CAST: variants seen among roughly 807,000 people sequenced by gnomAD.
The protein encoded by CAST is calpastatin.
CAST carries 76 observed loss-of-function variants against 119.6 expected under a neutral mutation model. That is an observed-to-expected ratio of 0.64 (90% CI 0.53 to 0.77). CAST has a LOEUF of 0.77. Ranked by LOEUF, CAST falls within the 30% of genes least tolerant of loss-of-function variation. CAST has a pLI of 0.00. For synonymous variants in CAST, 319 were observed against 331.6 expected (o/e 0.96, Z 0.41); for missense variants, 953 against 946.5 (o/e 1.01, Z -0.09).
chr5:96,171,718 G>A, the CAST span, among the ~76,000 whole-genome samples: 1 of 152,246 alleles, frequency 6.6e-6, no homozygotes, highest in Non-Finnish European at 1.5e-5. Context: ...AGATTGAAGT[G>A]TGGCGCCAAG....
chr5:96,700,855 C>T (rs1753786927), intron 3 of CAST, among the ~76,000 whole-genome samples: 3 of 152,110 alleles, frequency 2.0e-5, no homozygotes, highest in Admixed American at 2.0e-4. Context: ...AGCAGTGGAA[C>T]TACATTGTTT....
chr5:96,434,011 G>T, the CAST span: 1 of 152,276 alleles, frequency 6.6e-6, no homozygotes, highest in South Asian at 2.1e-4. Context: ...AGGGGATCTA[G>T]GATCCCAAAA....
At chr5:96,041,013 G>A in the CAST span, among the ~76,000 whole-genome samples, 1 of 152,038 alleles carries the variant, frequency 6.6e-6, no homozygotes, top group Non-Finnish European at 1.5e-5. Flanking sequence ...GACATTTTTG[G>A]TTGGTAGGCT....
chr5:96,148,932 G>T, the CAST span, among the ~76,000 whole-genome samples: 1 of 152,208 alleles, frequency 6.6e-6, no homozygotes, highest in East Asian at 1.9e-4. Context: ...AAAGTGTGGG[G>T]CATCTGAAGA....
the CAST span, among the ~76,000 whole-genome samples, chr5:96,402,825 CAGAG>C: frequency 5.3e-5 from 8 of 152,268 alleles, no homozygotes; most frequent in East Asian, 1.9e-4. Context: ...GAGTGACTGA[CAGAG>C]AGGCCTTGGA....
the CAST span, among the ~76,000 whole-genome samples, chr5:96,027,185 A>C: frequency 6.6e-6 from 1 of 152,180 alleles, no homozygotes; most frequent in African/African-American, 2.4e-5. Context: ...CTTGTCAAAA[A>C]ACAAAACAAA....
chr5:96,283,829 C>A, the CAST span, among the ~76,000 whole-genome samples: 1 of 152,204 alleles, frequency 6.6e-6, no homozygotes, highest in Admixed American at 6.5e-5. Flanking sequence ...TAGTTCCTTT[C>A]TCAAATGACT....
At chr5:96,650,488 A>G (rs980082568) in intron 1 of CAST, among the ~76,000 whole-genome samples, 3 of 152,180 alleles carry the variant, frequency 2.0e-5, no homozygotes, top group Non-Finnish European at 2.9e-5. Context: ...CCTGATGACT[A>G]TCCTACTTGT....
chr5:96,693,610 G>A (rs1424946520), intron 2 of CAST, among the ~76,000 whole-genome samples: 1 of 152,218 alleles, frequency 6.6e-6, no homozygotes, highest in East Asian at 1.9e-4. Context: ...AAAATGAGAG[G>A]TTGAGATAGG....
the CAST span, among the ~76,000 whole-genome samples, chr5:96,411,637 G>A: frequency 6.6e-6 from 1 of 152,312 alleles, no homozygotes; most frequent in East Asian, 1.9e-4. Context: ...TATTTGAAAA[G>A]CATTTCCGCG....
intron 24 of CAST, among the ~76,000 whole-genome samples, chr5:96,758,426 G>A (rs1724430219): frequency 1.3e-5 from 2 of 152,158 alleles, no homozygotes; most frequent in Non-Finnish European, 2.9e-5. Context: ...TATATAGTGA[G>A]TCTGTTAGAG....
chr5:96,601,731 A>T (rs1294204680), intron 1 of CAST, among the ~76,000 whole-genome samples: 6 of 152,202 alleles, frequency 3.9e-5, no homozygotes, highest in African/African-American at 1.4e-4. Context: ...AAGTTTCAGG[A>T]TACATCTTAC....
chr5:96,744,607 A>G (rs994889875), intron 16 of CAST, among the ~76,000 whole-genome samples: 1 of 152,200 alleles, frequency 6.6e-6, no homozygotes, highest in Non-Finnish European at 1.5e-5. Context: ...CTTTTTAATC[A>G]TATACAAAGT....
At chr5:96,129,313 CTTTA>C in the CAST span, among the ~76,000 whole-genome samples, 1 of 152,036 alleles carries the variant, frequency 6.6e-6, no homozygotes, top group Non-Finnish European at 1.5e-5. Flanking sequence ...GCCCCCAGAT[CTTTA>C]TTAAAGTGGG....
At chr5:96,716,309 T>A (rs1757179740) in intron 3 of CAST, among the ~76,000 whole-genome samples, 2 of 152,250 alleles carry the variant, frequency 1.3e-5, no homozygotes, top group African/African-American at 4.8e-5. Context: ...TCCTGGTTGA[T>A]GACAGTCATA....
intron 1 of CAST, among the ~76,000 whole-genome samples, chr5:96,667,432 G>A (rs1377319830): frequency 1.3e-5 from 2 of 152,148 alleles, no homozygotes; most frequent in Admixed American, 6.5e-5. Context: ...TGGCAACAAA[G>A]CAACTATTTA....
the CAST span, among the ~76,000 whole-genome samples, chr5:96,057,133 C>T: frequency 5.3e-5 from 8 of 152,204 alleles, no homozygotes; most frequent in East Asian, 1.5e-3. Context: ...CAGCATTTGC[C>T]TTATTTGAAC....
chr5:96,425,695 A>G, the CAST span: 1 of 685,206 alleles, frequency 1.5e-6, no homozygotes, highest in African/African-American at 1.8e-5. Flanking sequence ...CCTAATCTCC[A>G]GACAATATAG....
chr5:96,139,509 T>C, the CAST span, among the ~76,000 whole-genome samples: 16 of 141,114 alleles, frequency 1.1e-4, no homozygotes, highest in Non-Finnish European at 2.0e-4. Context: ...TATATACACA[T>C]ATATATATGT....
Sources: gnomAD v4.1 joint callset for allele counts (sites outside exome capture counted in the v4.1 genomes callset) on GRCh38, gnomAD v4.1.1 for gene constraint, MANE v1.5 for transcripts, NCBI Gene and HGNC (gene_info 2026-07-23, HGNC 2026-07-21) for gene names.